Variants in RASSF3 observed in about 807,000 individuals in gnomAD.
RASSF3 encodes Ras association domain family member 3, also known as ras association domain-containing protein 3.
In RASSF3, 19 loss-of-function variants were observed where a neutral mutation model predicts 19.9. The observed-to-expected ratio is 0.96, with a 90% confidence interval of 0.67 to 1.40. RASSF3 has a LOEUF of 1.40. RASSF3 is among the 40% of genes most tolerant of loss of function. The probability of loss-of-function intolerance (pLI) is 0.00; values close to 1 mark genes in which losing one functional copy is unlikely to be tolerated. For synonymous variants in RASSF3, 110 were observed against 104.2 expected, an observed-to-expected ratio of 1.06 and a Z score of -0.34; for missense variants, 306 against 289.8, an observed-to-expected ratio of 1.06 and a Z score of -0.41.
At chr12:64,554,265 CAA>C (rs1384049072) in intron 2 of RASSF3, among the ~76,000 whole-genome samples, 4 of 152,144 alleles carry the variant, frequency 2.6e-5, no homozygotes, top group Non-Finnish European at 5.9e-5. Context: ...TTAATCCTGA[CAA>C]GAGCAAATTC....
intron 2 of RASSF3, among the ~76,000 whole-genome samples, chr12:64,579,398 C>A (rs1261433438): frequency 7.4e-6 from 1 of 134,862 alleles, no homozygotes; most frequent in Admixed American, 8.7e-5. Flanking sequence ...GTCGCCCAGG[C>A]TGGAGTGCCG....
chr12:64,603,315 G>T (rs1217299070), intron 2 of RASSF3, among the ~76,000 whole-genome samples: 2 of 152,084 alleles, frequency 1.3e-5, no homozygotes, highest in Non-Finnish European at 2.9e-5. Flanking sequence ...TTTTCATCAG[G>T]TATATGCTTT....
At chr12:64,675,930 C>G (rs1228826229) in intron 1 of RASSF3, among the ~76,000 whole-genome samples, 1 of 151,770 alleles carries the variant, frequency 6.6e-6, no homozygotes, top group Admixed American at 6.6e-5. Flanking sequence ...AAAAAAAAAT[C>G]CTCTCATCTG....
chr12:64,638,612 T>C (rs1245338157), intron 1 of RASSF3, among the ~76,000 whole-genome samples: 1 of 151,964 alleles, frequency 6.6e-6, no homozygotes, highest in East Asian at 1.9e-4. Context: ...ATGAATACCT[T>C]TTAGTCACCA....
intron 1 of RASSF3, among the ~76,000 whole-genome samples, chr12:64,527,755 T>C (rs7484351): frequency 0.37 from 56,549 of 151,306 alleles, 11,577 homozygotes; most frequent in East Asian, 0.69. Context: ...GCCAACATGG[T>C]GAAATCCCAT....
At chr12:64,686,595 A>G (rs929381836) in intron 2 of RASSF3, among the ~76,000 whole-genome samples, 2 of 152,000 alleles carry the variant, frequency 1.3e-5, no homozygotes, top group Non-Finnish European at 2.9e-5. Flanking sequence ...TAGGCGACAG[A>G]GCAAGACTCC....
chr12:64,555,199 G>A (rs1192594921), intron 2 of RASSF3, among the ~76,000 whole-genome samples: 1 of 151,662 alleles, frequency 6.6e-6, no homozygotes, highest in Non-Finnish European at 1.5e-5. Flanking sequence ...AGCCAAGATC[G>A]CACCACTGCA....
At chr12:64,674,695 A>T (rs1215928735) in intron 1 of RASSF3, among the ~76,000 whole-genome samples, 1 of 152,138 alleles carries the variant, frequency 6.6e-6, no homozygotes, top group Non-Finnish European at 1.5e-5. Context: ...TGAGGGTAGC[A>T]TGGGGGTTCT....
intron 1 of RASSF3, among the ~76,000 whole-genome samples, chr12:64,518,588 G>C (rs890968142): frequency 3.3e-5 from 5 of 152,236 alleles, no homozygotes; most frequent in African/African-American, 1.2e-4. Flanking sequence ...ACATTTCAAT[G>C]TGAGATTTGA....
At chr12:64,636,652 G>T (rs1871338056) in intron 1 of RASSF3, among the ~76,000 whole-genome samples, 1 of 151,726 alleles carries the variant, frequency 6.6e-6, no homozygotes, top group South Asian at 2.1e-4. Context: ...GATCACCTGA[G>T]GTCAGGGGTT....
chr12:64,566,521 G>A (rs1241386751), intron 2 of RASSF3, among the ~76,000 whole-genome samples: 2 of 152,138 alleles, frequency 1.3e-5, no homozygotes, highest in African/African-American at 2.4e-5. Flanking sequence ...TGAAAGGAGA[G>A]ACAGAGCCTC....
intron 1 of RASSF3, among the ~76,000 whole-genome samples, chr12:64,671,443 C>T (rs992987174): frequency 1.3e-5 from 2 of 152,158 alleles, no homozygotes; most frequent in African/African-American, 2.4e-5. Context: ...CCTTCTGACT[C>T]TGACCAGCCT....
At chr12:64,516,437 G>T (rs1443139181) in intron 1 of RASSF3, among the ~76,000 whole-genome samples, 1 of 150,318 alleles carries the variant, frequency 6.7e-6, no homozygotes, top group African/African-American at 2.5e-5. Flanking sequence ...GACTAGAACG[G>T]TGAAACCCCG....
intron 2 of RASSF3, among the ~76,000 whole-genome samples, chr12:64,548,137 G>A (rs1224984904): frequency 1.3e-5 from 2 of 151,982 alleles, no homozygotes; most frequent in African/African-American, 4.8e-5. Flanking sequence ...CTTTCATATT[G>A]ATTTAACAAT....
intron 2 of RASSF3, among the ~76,000 whole-genome samples, chr12:64,596,518 G>T (rs1428726117): frequency 1.3e-5 from 2 of 152,134 alleles, no homozygotes; most frequent in African/African-American, 4.8e-5. Context: ...TGCCCAACAA[G>T]TGCTCATCCT....
At chr12:64,636,103 G>A (rs1481392390) in intron 1 of RASSF3, among the ~76,000 whole-genome samples, 1 of 149,534 alleles carries the variant, frequency 6.7e-6, no homozygotes, top group Non-Finnish European at 1.5e-5. Context: ...GTTTCTGTGG[G>A]TTTATTATAA....
rs139659972 is a variant in RASSF3 at position 64,585,630 on chromosome 12, G to A, written c.294+43925G>A. 1.6e-3 allele frequency among the ~76,000 whole-genome samples: 233 copies of A among 147,322 alleles called. 1 individual carries two copies. The highest frequency in any genetic ancestry group is 5.7e-3 in the African/African-American group (226 of 39,906). On this transcript the variant is annotated intron_variant, in intron 2 of 5. Transcript: ENST00000637125. ...TTTTTTTTTTTTTTTTTTGAGACAG[G>A]GTCTTGTTCTGTCACCCAGGCTGCA...
At chr12:64,626,763 C>T (rs1871011491) in intron 1 of RASSF3, among the ~76,000 whole-genome samples, 1 of 152,098 alleles carries the variant, frequency 6.6e-6, no homozygotes, top group African/African-American at 2.4e-5. Flanking sequence ...TGGGGTCTTG[C>T]TGTGTTGCCC....
chr12:64,533,591 G>A (rs1220151256), intron 1 of RASSF3: 1 of 152,224 alleles, frequency 6.6e-6, no homozygotes, highest in African/African-American at 2.4e-5. Context: ...TTAAACAAAA[G>A]ATGAAGACAA....
Sources: allele counts gnomAD v4.1 joint callset (sites outside exome capture counted in the v4.1 genomes callset), GRCh38; gene constraint gnomAD v4.1.1; transcripts MANE v1.5; gene names NCBI Gene and HGNC (gene_info 2026-07-23, HGNC 2026-07-21).